Variants in ATF7IP observed in about 807,000 individuals in gnomAD.
ATF7IP encodes activating transcription factor 7 interacting protein.
Under a neutral mutation model 106.4 loss-of-function variants are expected in ATF7IP, and 23 were observed. The ratio of observed to expected loss-of-function variants is 0.22; its 90% CI spans 0.16 to 0.31. The LOEUF (loss-of-function observed/expected upper bound fraction) is 0.31, where lower values mean the gene tolerates loss of function less well. Among genes scored for constraint, ATF7IP ranks in the 10% least tolerant of loss-of-function variants. The pLI is 1.00. For missense variants in ATF7IP, 1,334 were observed against 1,524.3 expected (o/e 0.88, Z 2.08); for synonymous variants, 542 against 539.0 (o/e 1.01, Z -0.08).
intron 6 of ATF7IP, among the ~76,000 whole-genome samples, chr12:14,452,606 C>T (rs1311400417): frequency 6.6e-6 from 1 of 152,012 alleles, no homozygotes; most frequent in African/African-American, 2.4e-5. Context: ...CATATAAGAG[C>T]GCTAGTCTAT....
At chr12:14,469,664 A>G (rs1055212536) in intron 10 of ATF7IP, among the ~76,000 whole-genome samples, 18 of 152,188 alleles carry the variant, frequency 1.2e-4, no homozygotes, top group African/African-American at 4.3e-4. Flanking sequence ...GAAGGACTCA[A>G]GATTCACCTT....
intron 1 of ATF7IP, among the ~76,000 whole-genome samples, chr12:14,366,069 CTTG>C (rs955647158): frequency 6.6e-6 from 1 of 152,202 alleles, no homozygotes; most frequent in African/African-American, 2.4e-5. Context: ...ATCTAATGTT[CTTG>C]TTGGACGCCA....
At chr12:14,462,077 G>T (rs917773004) in intron 9 of ATF7IP, among the ~76,000 whole-genome samples, 1 of 152,094 alleles carries the variant, frequency 6.6e-6, no homozygotes, top group African/African-American at 2.4e-5. Flanking sequence ...GAGTTGTTAA[G>T]AAAGTAAATG....
In ATF7IP at chr12:14,391,433, A is replaced by G. The variant is rs1310033535; in HGVS notation, c.-8+25606A>G. On this transcript the variant is annotated intron_variant, in intron 1 of 14. Coordinates refer to ENST00000261168, the MANE Select transcript of ATF7IP (RefSeq NM_018179.5). Reference sequence around the variant, plus strand: ...TATAGAAATACCTGTACCATGGCATACATAGTGGAAAACATTAGTATAGAA... The same window carrying G: ...TATAGAAATACCTGTACCATGGCATGCATAGTGGAAAACATTAGTATAGAA... 2.6e-5 allele frequency among the ~76,000 whole-genome samples: 4 copies of G among 152,222 alleles called. No individual in the cohort carries two copies. The East Asian group carries it at 5.8e-4, about 22-fold the overall frequency.
At chr12:14,416,802 G>T in intron 1 of ATF7IP, 1 of 503,620 alleles carries the variant, frequency 2.0e-6, no homozygotes, top group Non-Finnish European at 2.6e-6. Context: ...ATGTCTGATT[G>T]GTTTTAGACT....
At chr12:14,478,505 G>A (rs767770354) in intron 12 of ATF7IP, 33 bp downstream of exon 12, 7 of 1,611,392 alleles carry the variant, frequency 4.3e-6, no homozygotes, top group Non-Finnish European at 5.1e-6. Flanking sequence ...TAGAAGCTTT[G>A]GTTTTGCCTG....
rs12308776 is a variant in ATF7IP at position 14,475,842 on chromosome 12, A to G, written c.2863-48A>G. ...CTTATCATCTCATTTTTTAACACGT[A>G]TATCTGCCAGAGTTTTCTTTGTAAA... is the stretch of plus-strand genomic sequence containing the variant. On this transcript the variant is annotated intron_variant, in intron 10 of 14. Transcript: ENST00000261168. 1.3e-3 allele frequency: 1,911 copies of G among 1,496,760 alleles called. 19 individuals carry two copies. The African/African-American group carries it at 0.021, about 16-fold the overall frequency. 92.7% of individuals were successfully genotyped at this position (1,496,760 alleles called of 1,614,324 possible).
chr12:14,436,079 T>G (rs1371335296), intron 3 of ATF7IP, 27 bp from the exon 4 acceptor site: 2 of 1,608,062 alleles, frequency 1.2e-6, no homozygotes, highest in African/African-American at 1.3e-5. Flanking sequence ...AACACCTGAG[T>G]GTGATCATTG....
chr12:14,449,653 C>T (rs527549886), intron 6 of ATF7IP, among the ~76,000 whole-genome samples: 1 of 140,872 alleles, frequency 7.1e-6, no homozygotes, highest in African/African-American at 2.7e-5. Context: ...TTGTTCTTTT[C>T]AAAACTATTT....
chr12:14,485,217 A>C (rs1944560491), intron 13 of ATF7IP, among the ~76,000 whole-genome samples: 1 of 151,920 alleles, frequency 6.6e-6, no homozygotes, highest in African/African-American at 2.4e-5. Flanking sequence ...CGCACTCAAA[A>C]CTGGCAGCCT....
chr12:14,470,070 G>T (rs1207387441), intron 10 of ATF7IP, among the ~76,000 whole-genome samples: 1 of 152,146 alleles, frequency 6.6e-6, no homozygotes. Flanking sequence ...GTATATAAGA[G>T]AATTAATTGT....
At chr12:14,445,907 A>C (rs1349608395) in intron 5 of ATF7IP, among the ~76,000 whole-genome samples, 1 of 152,230 alleles carries the variant, frequency 6.6e-6, no homozygotes, top group African/African-American at 2.4e-5. Flanking sequence ...AGCAACAGCA[A>C]CAGAAACAGT....
At chr12:14,418,198 T>G (rs888524505) in intron 1 of ATF7IP, among the ~76,000 whole-genome samples, 4 of 152,172 alleles carry the variant, frequency 2.6e-5, no homozygotes, top group Admixed American at 2.6e-4. Flanking sequence ...CTCTGGTTAT[T>G]TAAATATAAA....
intron 1 of ATF7IP, among the ~76,000 whole-genome samples, chr12:14,374,558 T>C (rs1262305010): frequency 1.3e-5 from 2 of 152,148 alleles, no homozygotes; most frequent in Admixed American, 1.3e-4. Context: ...TAAAACAATA[T>C]ATATTTTTGT....
intron 10 of ATF7IP, among the ~76,000 whole-genome samples, chr12:14,469,979 A>C (rs1411162678): frequency 6.6e-6 from 1 of 152,188 alleles, no homozygotes; most frequent in Non-Finnish European, 1.5e-5. Context: ...TTTCTATATA[A>C]GTGGCCATGG....
At chr12:14,458,014 T>C (rs1943495895) in intron 8 of ATF7IP, among the ~76,000 whole-genome samples, 1 of 151,728 alleles carries the variant, frequency 6.6e-6, no homozygotes. Flanking sequence ...GAATTGAGCT[T>C]GAACCCGGGA....
chr12:14,449,363 C>T (rs538988408), intron 6 of ATF7IP, among the ~76,000 whole-genome samples: 1 of 151,700 alleles, frequency 6.6e-6, no homozygotes, highest in Non-Finnish European at 1.5e-5. Context: ...GTGTATATAT[C>T]CAGTTTTCCC....
At position 14,466,582 on chromosome 12, in the gene ATF7IP, A is replaced by G. The variant is rs1286015564; in HGVS notation, c.2854A>G (p.Thr952Ala). Reference sequence around the variant, plus strand: ...TGTCAGTAAGAAAGCAGCTGATAGCACATCACAGGTAAGATTTTTCCTTCT... The same window carrying G: ...TGTCAGTAAGAAAGCAGCTGATAGCGCATCACAGGTAAGATTTTTCCTTCT... ...ASVSKKAADS[T>A]SQCGKATGSD... Residue 952 changes from threonine (T) to alanine (A), a missense_variant, in exon 10 of 15, where the codon ACA (threonine) becomes GCA (alanine). By Grantham distance (58) the Thr-to-Ala change is moderately conservative (BLOSUM62 0). Coordinates refer to ENST00000261168, the MANE Select transcript of ATF7IP (RefSeq NM_018179.5). 2 of 1,601,968 alleles carry G rather than the reference A, an allele frequency of 1.2e-6. No homozygotes were observed. Among genetic ancestry groups the G allele is most frequent in the African/African-American group, 2.7e-5 (2 of 74,342 alleles).
chr12:14,487,428 A>G (rs1361081849), intron 13 of ATF7IP, among the ~76,000 whole-genome samples: 3 of 152,186 alleles, frequency 2.0e-5, no homozygotes, highest in African/African-American at 7.2e-5. Flanking sequence ...GGCTCCTGAG[A>G]AGAGTCAACA....
Sources: allele counts gnomAD v4.1 joint callset (sites outside exome capture counted in the v4.1 genomes callset), GRCh38; gene constraint gnomAD v4.1.1; transcripts MANE v1.5; gene names NCBI Gene and HGNC (gene_info 2026-07-23, HGNC 2026-07-21).